Variants in SVIL observed in about 807,000 individuals in gnomAD.
SVIL encodes archvillin.
SVIL carries 101 observed loss-of-function variants against 240.4 expected under a neutral mutation model. That is an observed-to-expected ratio of 0.42 (90% confidence interval 0.36 to 0.50). The LOEUF is 0.50. SVIL is among the 20% of genes least tolerant of loss of function. The pLI is 0.01. For synonymous variants in SVIL, 999 were observed against 1,100.0 expected, an observed-to-expected ratio of 0.91 and a Z score of 1.82; for missense variants, 2,512 against 2,818.7, an observed-to-expected ratio of 0.89 and a Z score of 2.46.
At chr10:29,669,412 C>T (rs1227595353) in intron 2 of SVIL, among the ~76,000 whole-genome samples, 1 of 152,186 alleles carries the variant, frequency 6.6e-6, no homozygotes, top group Non-Finnish European at 1.5e-5. Context: ...TGGCTGAGTG[C>T]TGGCCACACA....
intron 1 of SVIL, among the ~76,000 whole-genome samples, chr10:29,729,749 G>A (rs61846871): frequency 0.19 from 25,978 of 137,302 alleles, 3,012 homozygotes; most frequent in Admixed American, 0.26. Flanking sequence ...CGGGAGAACC[G>A]CTTGAACCCA....
Position 29,735,501 on chromosome 10 carries a change from C to A in SVIL, c.-400+250G>T, listed in dbSNP as rs1040494396. Among the ~76,000 whole-genome samples the A allele has an allele frequency of 2.0e-5, 3 of 151,602 alleles. No homozygotes were observed. Among genetic ancestry groups the A allele is most frequent in the African/African-American group, 7.2e-5 (3 of 41,428 alleles). Reference sequence around the variant, plus strand: ...GTGGGTGGGAGCCGCGGCCGCGCCGCGCCTTTGTTACGGCTCGGGGACCCC... The same window carrying A: ...GTGGGTGGGAGCCGCGGCCGCGCCGAGCCTTTGTTACGGCTCGGGGACCCC... On this transcript the variant is annotated intron_variant, in intron 1 of 35. Coordinates refer to the SVIL transcript ENST00000375400. The surrounding 1 kb of genome is among the most constrained non-coding windows in gnomAD (Gnocchi z 4.1).
chr10:29,670,643 A>C (rs1959693431), intron 2 of SVIL, among the ~76,000 whole-genome samples: 1 of 144,632 alleles, frequency 6.9e-6, no homozygotes, highest in Non-Finnish European at 1.5e-5. Context: ...TCTAAGATTT[A>C]TAGGTTCAGG....
At chr10:29,724,820 G>A (rs1488254140) in intron 1 of SVIL, among the ~76,000 whole-genome samples, 3 of 151,898 alleles carry the variant, frequency 2.0e-5, no homozygotes, top group Admixed American at 6.6e-5. Context: ...TCAGGAGTTC[G>A]AGACCAGCCT....
At chr10:29,701,902 G>A (rs112084795) in intron 1 of SVIL, among the ~76,000 whole-genome samples, 22,719 of 152,002 alleles carry the variant, frequency 0.15, 1,913 homozygotes, top group Admixed American at 0.21. Context: ...GGCTGGGCGC[G>A]GTGGCTCACG....
intron 3 of SVIL, among the ~76,000 whole-genome samples, chr10:29,656,449 C>T (rs1208520812): frequency 1.3e-5 from 2 of 151,830 alleles, no homozygotes; most frequent in African/African-American, 4.8e-5. Flanking sequence ...CCCAACAGTC[C>T]CATATAGCTT....
chr10:29,671,230 C>T (rs1959748988), intron 2 of SVIL: 1 of 152,208 alleles, frequency 6.6e-6, no homozygotes, highest in African/African-American at 2.4e-5. Context: ...AGTAACCTTA[C>T]TTATCCACCC....
chr10:29,462,498 A>C, intron 35 of SVIL, 97 bp from the exon 36 acceptor site: 3 of 1,497,362 alleles, frequency 2.0e-6, no homozygotes, highest in Non-Finnish European at 2.7e-6. Flanking sequence ...AGAACTCATG[A>C]CTTCATGCTT....
chr10:29,653,617 A>T (rs1294528247), intron 3 of SVIL, among the ~76,000 whole-genome samples: 2 of 152,106 alleles, frequency 1.3e-5, no homozygotes, highest in Non-Finnish European at 2.9e-5. Flanking sequence ...ATCATATCTT[A>T]AAAAAATCCA....
chr10:29,531,210 A>G, intron 10 of SVIL, 44 bp downstream of exon 10: 1 of 1,600,486 alleles, frequency 6.2e-7, no homozygotes, highest in Non-Finnish European at 8.6e-7. Context: ...AATCCAGTCT[A>G]GATGAGATAA....
chr10:29,700,253 A>G (rs1624281), intron 1 of SVIL, among the ~76,000 whole-genome samples: 75,620 of 151,830 alleles, frequency 0.5, 19,219 homozygotes, highest in East Asian at 0.77. Flanking sequence ...CCTAAGTCAC[A>G]TTCTTCACAG....
In SVIL at chr10:29,467,768, C is replaced by A; in HGVS notation, c.5951G>T (p.Arg1984Met). 1 of 1,614,194 alleles carries A rather than the reference C, an allele frequency of 6.2e-7. No homozygotes were observed. The highest frequency in any genetic ancestry group is 8.5e-7 in the Non-Finnish European group (1 of 1,180,032). ...GFWDALGRRD[R>M]KAYDCMLQDP... ...TTGAAGCATGCAATCGTAGGCTTTCCTGTCTCTCCTTCCTAAGGCATCCCA... is the reference window on the plus strand; with the variant it reads ...TTGAAGCATGCAATCGTAGGCTTTCATGTCTCTCCTTCCTAAGGCATCCCA... Residue 1984 changes from arginine (R) to methionine (M), a missense_variant, in exon 33 of 38, where the codon AGG becomes ATG. Physicochemically the swap from Arg to Met is moderately conservative, Grantham distance 91. Transcript: ENST00000355867.
rs1423302718 is a variant in SVIL, at chr10:29,533,008, C to G, written c.1359G>C (p.Lys453Asn). 2 of 1,614,034 alleles carry G rather than the reference C, an allele frequency of 1.2e-6. No individual in the cohort carries two copies. The highest frequency in any genetic ancestry group is 1.7e-6 in the Non-Finnish European group (2 of 1,180,036). The part of the protein sequence containing the change: ...VCFTEALEQS[K>N]KTLLALEGDG... ...CACCCTCCAAAGCCAGTAGGGTTTT[C>G]TTGCTTTGCTCGAGAGCTTCAGTGA... The change falls in exon 8 of 38, where the codon AAG becomes AAC. Residue 453 changes from lysine (K) to asparagine (N), a missense_variant. Transcript: ENST00000355867.
rs1385700896 is a variant in SVIL at position 29,532,525 on chromosome 10, C to A, written c.1838+4G>T. The A allele has an allele frequency of 6.2e-7, 1 of 1,602,700 alleles. No individual in the cohort carries two copies. The highest frequency in any genetic ancestry group is 8.5e-7 in the Non-Finnish European group (1 of 1,171,780). On this transcript the variant is annotated splice_donor_region_variant and intron_variant, in intron 8 of 37. Transcript: ENST00000355867. ...AGCTGGAGGGCGTGTGAAGCATCAC[C>A]TACAGTTCAGGTCTCCTGCAGGCGT...
intron 22 of SVIL, among the ~76,000 whole-genome samples, chr10:29,490,587 A>C (rs1251998478): frequency 0.17 from 11,116 of 66,792 alleles, 1,185 homozygotes; most frequent in African/African-American, 0.41. Flanking sequence ...CCAGTCTTTA[A>C]AAAAAAAAAA....
chr10:29,554,184 G>A (rs1953677226), intron 5 of SVIL, among the ~76,000 whole-genome samples: 4 of 152,172 alleles, frequency 2.6e-5, no homozygotes, highest in Admixed American at 6.5e-5. Flanking sequence ...GGTGGCACGC[G>A]CTCATAGTCC....
In SVIL at chr10:29,646,966, C is replaced by T. The variant is rs116824484; in HGVS notation, c.-201+11003G>A. On this transcript the variant is annotated intron_variant, in intron 3 of 35. Coordinates refer to the SVIL transcript ENST00000375400. ...AAAACTCATCCGTTCCACCTTCTGACTGGTGGAAACTGCTTAAACTCTGAA... is the reference window on the plus strand; with the variant it reads ...AAAACTCATCCGTTCCACCTTCTGATTGGTGGAAACTGCTTAAACTCTGAA... Among the ~76,000 whole-genome samples the T allele has an allele frequency of 4.5e-3, 690 of 152,298 alleles. 7 individuals carry two copies. Among genetic ancestry groups the T allele is most frequent in the African/African-American group, 0.016 (654 of 41,560 alleles).
chr10:29,494,046 C>T (rs1948208862), intron 20 of SVIL, among the ~76,000 whole-genome samples: 1 of 152,100 alleles, frequency 6.6e-6, no homozygotes, highest in Non-Finnish European at 1.5e-5. Flanking sequence ...TGGTGCACGC[C>T]CATAGTCCCG....
intron 12 of SVIL, 91 bp from the exon 13 acceptor site, chr10:29,527,147 T>A: frequency 8.5e-7 from 1 of 1,183,380 alleles, no homozygotes; most frequent in Non-Finnish European, 1.2e-6. Flanking sequence ...TCAGAAACGT[T>A]AAATCAAAAA....
Sources: gnomAD v4.1 joint callset for allele counts (sites outside exome capture counted in the v4.1 genomes callset) on GRCh38, gnomAD v4.1.1 for gene constraint, Gnocchi (gnomAD v3.1) non-coding constraint, MANE v1.5 for transcripts, NCBI Gene and HGNC (gene_info 2026-07-23, HGNC 2026-07-21) for gene names.